PLEKHA5: variants seen among roughly 807,000 people sequenced by gnomAD.
PLEKHA5 encodes the protein pleckstrin homology domain-containing family A member 5.
In PLEKHA5, 55 loss-of-function variants were observed where a neutral mutation model predicts 181.9. That is an observed-to-expected ratio of 0.30 (90% confidence interval 0.24 to 0.38). The LOEUF (loss-of-function observed/expected upper bound fraction) is 0.38. Ranked by LOEUF, PLEKHA5 falls within the 10% of genes least tolerant of loss-of-function variation. The pLI, the probability that PLEKHA5 is intolerant of heterozygous loss-of-function variation, is 1.00. For missense variants in PLEKHA5, 1,432 were observed against 1,549.5 expected, an observed-to-expected ratio of 0.92 and a Z score of 1.27; for synonymous variants, 535 against 529.4, an observed-to-expected ratio of 1.01 and a Z score of -0.15.
intron 6 of PLEKHA5, among the ~76,000 whole-genome samples, chr12:19,258,555 C>G (rs1041671371): frequency 1.0e-5 from 1 of 98,780 alleles, no homozygotes; most frequent in Non-Finnish European, 2.4e-5. Flanking sequence ...TTTTTTTTTT[C>G]TTTTTCTTTT....
At chr12:19,314,447 T>A (rs1418458427) in intron 15 of PLEKHA5, among the ~76,000 whole-genome samples, 1 of 152,178 alleles carries the variant, frequency 6.6e-6, no homozygotes, top group Non-Finnish European at 1.5e-5. Flanking sequence ...CATAATCAAA[T>A]TGTACCATTT....
chr12:19,235,141 T>G (rs565452538), intron 3 of PLEKHA5, among the ~76,000 whole-genome samples: 1 of 152,306 alleles, frequency 6.6e-6, no homozygotes, highest in South Asian at 2.1e-4. Flanking sequence ...ATGCAAACCC[T>G]TCTGGTTATA....
intron 9 of PLEKHA5, 126 bp downstream of exon 9, chr12:19,270,011 A>C: frequency 1.5e-6 from 1 of 648,876 alleles, no homozygotes; most frequent in Non-Finnish European, 2.6e-6. Flanking sequence ...TTTCCTCAGA[A>C]AGCAAGGATC....
intron 3 of PLEKHA5, among the ~76,000 whole-genome samples, chr12:19,172,925 G>C (rs146678615): frequency 6.2e-4 from 90 of 146,212 alleles, no homozygotes; most frequent in African/African-American, 2.2e-3. Flanking sequence ...CGTGTCTCGG[G>C]TATGTTTTGC....
rs56086557 is a variant in PLEKHA5 at position 19,167,405 on chromosome 12, A to ATTTTTTTTTT, written c.227+34975_227+34984dup. On this transcript the variant is annotated intron_variant, in intron 3 of 31. Transcript: ENST00000429027. ...CACTCTGCAAGTCTTCTGAGGCTTA[A>ATTTTTTTTTT]TTTTTTTTTTTTTTTTTTTTTTTTT... Among the ~76,000 whole-genome samples, 37 of 91,228 alleles carry ATTTTTTTTTT rather than the reference A, an allele frequency of 4.1e-4. 1 individual carries two copies. Among genetic ancestry groups the ATTTTTTTTTT allele is most frequent in the South Asian group, 3.0e-3 (6 of 1,986 alleles). 59.8% of individuals were successfully genotyped at this position (91,228 alleles called of 152,430 possible). A position where few individuals can be genotyped will look rare whatever the true frequency, so the allele number is the denominator to read the frequency against.
Position 19,358,103 on chromosome 12 carries a change from A to G in PLEKHA5, c.3139-125A>G, listed in dbSNP as rs2095049532. On this transcript the variant is annotated intron_variant, in intron 26 of 31. Coordinates refer to ENST00000429027, the MANE Select transcript of PLEKHA5 (RefSeq NM_001256470.2). ...GCCTTTCTGGTGATATCTAAATGAC[A>G]TTCAAAACCTCTTCTTGTGATTTTG... 19 of 678,352 alleles carry G rather than the reference A, an allele frequency of 2.8e-5. No individual in the cohort carries two copies. In the South Asian group the frequency reaches 3.7e-4, roughly 13 times the overall value. 42.0% of individuals were successfully genotyped at this position (678,352 alleles called of 1,614,324 possible). A position where few individuals can be genotyped will look rare whatever the true frequency, so the allele number is the denominator to read the frequency against.
At chr12:19,188,977 A>G (rs771951982) in intron 3 of PLEKHA5, among the ~76,000 whole-genome samples, 1 of 152,204 alleles carries the variant, frequency 6.6e-6, no homozygotes, top group Admixed American at 6.5e-5. Context: ...CTGTCCCTGA[A>G]TTCTTGCAGC....
chr12:19,159,400 A>G (rs1217377303), intron 3 of PLEKHA5, among the ~76,000 whole-genome samples: 2 of 152,194 alleles, frequency 1.3e-5, no homozygotes, highest in African/African-American at 4.8e-5. Context: ...TTTTAAAAGT[A>G]GTTACCCACA....
chr12:19,203,576 A>G (rs2054678764), intron 3 of PLEKHA5, among the ~76,000 whole-genome samples: 1 of 151,960 alleles, frequency 6.6e-6, no homozygotes, highest in Non-Finnish European at 1.5e-5. Flanking sequence ...GGCATTTCAG[A>G]AAGTTCACCC....
intron 13 of PLEKHA5, 150 bp from the exon 14 acceptor site, chr12:19,290,527 T>C (rs934317093): frequency 1.8e-6 from 1 of 553,230 alleles, no homozygotes; most frequent in African/African-American, 1.9e-5. Flanking sequence ...TATGCATTTA[T>C]GTAGGACCTA....
chr12:19,145,550 T>C (rs369039317), intron 3 of PLEKHA5, among the ~76,000 whole-genome samples: 183 of 152,314 alleles, frequency 1.2e-3, no homozygotes, highest in Middle Eastern at 3.4e-3. Flanking sequence ...TAACTTTTTA[T>C]TTAATAAATA....
intron 15 of PLEKHA5, chr12:19,303,354 C>A (rs2082151850): frequency 6.6e-6 from 1 of 152,078 alleles, no homozygotes; most frequent in Non-Finnish European, 1.5e-5. Flanking sequence ...TCTCTTTTCC[C>A]CCTCCCCAAA....
chr12:19,157,964 T>A (rs2042139096), intron 3 of PLEKHA5, among the ~76,000 whole-genome samples: 2 of 152,212 alleles, frequency 1.3e-5, no homozygotes, highest in South Asian at 4.1e-4. Context: ...GTATCTATTA[T>A]GACAGCTTTT....
intron 3 of PLEKHA5, among the ~76,000 whole-genome samples, chr12:19,213,922 G>A (rs1273855246): frequency 6.6e-6 from 1 of 152,062 alleles, no homozygotes; most frequent in African/African-American, 2.4e-5. Flanking sequence ...TCTTTTTGTT[G>A]AGAAGCAAAA....
chr12:19,138,023 G>A (rs2036164147), intron 3 of PLEKHA5, among the ~76,000 whole-genome samples: 1 of 152,104 alleles, frequency 6.6e-6, no homozygotes, highest in Non-Finnish European at 1.5e-5. Flanking sequence ...CTCAAAGCTG[G>A]CCTATATTTA....
At chr12:19,372,752 C>CCTTTTTT (rs1023643089) in intron 31 of PLEKHA5, 9 of 151,548 alleles carry the variant, frequency 5.9e-5, no homozygotes, top group Non-Finnish European at 1.0e-4. Context: ...TGTGTTTAAG[C>CCTTTTTT]CTTTTTTCTT....
At chr12:19,197,005 C>T (rs1021840429) in intron 3 of PLEKHA5, among the ~76,000 whole-genome samples, 1 of 151,968 alleles carries the variant, frequency 6.6e-6, no homozygotes, top group Admixed American at 6.6e-5. Context: ...GTCCTATTAC[C>T]TTTAGAAGTG....
intron 3 of PLEKHA5, among the ~76,000 whole-genome samples, chr12:19,164,169 C>T (rs2043678997): frequency 6.6e-6 from 1 of 150,730 alleles, no homozygotes; most frequent in Admixed American, 6.6e-5. Context: ...TTGATATTTT[C>T]CCCACTTCTT....
chr12:19,158,308 G>A (rs753299314), intron 3 of PLEKHA5, among the ~76,000 whole-genome samples: 9 of 151,728 alleles, frequency 5.9e-5, no homozygotes, highest in African/African-American at 2.2e-4. Flanking sequence ...AGCCGAGATC[G>A]CACCACTGCA....
Sources: allele counts gnomAD v4.1 joint callset (sites outside exome capture counted in the v4.1 genomes callset), GRCh38; gene constraint gnomAD v4.1.1; transcripts MANE v1.5; gene names NCBI Gene and HGNC (gene_info 2026-07-23, HGNC 2026-07-21).